Variants in SNTB1 observed in about 807,000 individuals in gnomAD.
SNTB1 encodes beta-1-syntrophin.
In SNTB1, 36 loss-of-function variants were observed where a neutral mutation model predicts 48.9. The ratio of observed to expected loss-of-function variants is 0.74; its 90% CI spans 0.56 to 0.97. The LOEUF (loss-of-function observed/expected upper bound fraction) is 0.97. SNTB1 is among the 50% of genes least tolerant of loss of function. SNTB1 has a pLI of 0.00. For synonymous variants in SNTB1, 299 were observed against 294.6 expected (o/e 1.01, Z -0.15); for missense variants, 786 against 703.4 (o/e 1.12, Z -1.33).
intron 1 of SNTB1, among the ~76,000 whole-genome samples, chr8:120,741,179 T>C (rs1311388541): frequency 6.6e-6 from 1 of 152,240 alleles, no homozygotes; most frequent in Non-Finnish European, 1.5e-5. Flanking sequence ...CACATGATCA[T>C]ATTAGAGATT....
chr8:120,606,610 C>T (rs556227300), intron 3 of SNTB1, among the ~76,000 whole-genome samples: 1 of 152,046 alleles, frequency 6.6e-6, no homozygotes, highest in Admixed American at 6.5e-5. Flanking sequence ...CCCGCAGGTA[C>T]AATTGAAGGT....
At chr8:120,780,405 G>T (rs1819814402) in intron 1 of SNTB1, among the ~76,000 whole-genome samples, 1 of 152,120 alleles carries the variant, frequency 6.6e-6, no homozygotes, top group Admixed American at 6.5e-5. Flanking sequence ...ACGTAATCAG[G>T]ACTTAGAAAT....
intron 5 of SNTB1, among the ~76,000 whole-genome samples, chr8:120,546,555 A>G (rs774563936): frequency 3.9e-5 from 6 of 152,112 alleles, no homozygotes; most frequent in Non-Finnish European, 7.4e-5. Context: ...GGCTCACTGC[A>G]ACCTCTGCCT....
At chr8:120,629,568 A>G (rs544806759) in intron 3 of SNTB1, among the ~76,000 whole-genome samples, 1 of 152,342 alleles carries the variant, frequency 6.6e-6, no homozygotes, top group African/African-American at 2.4e-5. Flanking sequence ...ACTATAAGAA[A>G]GGCATCGTAT....
intron 1 of SNTB1, among the ~76,000 whole-genome samples, chr8:120,740,064 T>C (rs927890194): frequency 6.6e-6 from 1 of 152,192 alleles, no homozygotes; most frequent in African/African-American, 2.4e-5. Context: ...ACTTGCTTCT[T>C]TTCCATGATC....
intron 1 of SNTB1, among the ~76,000 whole-genome samples, chr8:120,786,530 G>A (rs1372621993): frequency 1.3e-5 from 2 of 152,118 alleles, no homozygotes; most frequent in Admixed American, 1.3e-4. Context: ...CAGCCTTTCT[G>A]GAACACTTCA....
intron 1 of SNTB1, among the ~76,000 whole-genome samples, chr8:120,801,726 TG>T (rs1370636661): frequency 6.6e-6 from 1 of 152,176 alleles, no homozygotes; most frequent in Non-Finnish European, 1.5e-5. Flanking sequence ...GAGACTTGGA[TG>T]GACATAGAGT....
intron 1 of SNTB1, among the ~76,000 whole-genome samples, chr8:120,742,130 C>T (rs186955748): frequency 1.3e-3 from 201 of 152,274 alleles, no homozygotes; most frequent in African/African-American, 4.6e-3. Flanking sequence ...CCTCTGAAAA[C>T]AGGAGAACAG....
chr8:120,682,447 A>T (rs1305455961), intron 2 of SNTB1, among the ~76,000 whole-genome samples: 1 of 152,332 alleles, frequency 6.6e-6, no homozygotes, highest in East Asian at 1.9e-4. Context: ...ACAACCATTT[A>T]GTACTTGTTT....
At chr8:120,741,781 C>T (rs1340162566) in intron 1 of SNTB1, among the ~76,000 whole-genome samples, 1 of 151,858 alleles carries the variant, frequency 6.6e-6, no homozygotes, top group African/African-American at 2.4e-5. Context: ...TTTTGTAGGA[C>T]CTACATGCTA....
chr8:120,645,269 T>C (rs1420384677), intron 2 of SNTB1, among the ~76,000 whole-genome samples: 1 of 151,860 alleles, frequency 6.6e-6, no homozygotes, highest in Non-Finnish European at 1.5e-5. Context: ...AATGCCTAGG[T>C]TTTCTTCTAG....
At chr8:120,618,312 C>T (rs1816746889) in intron 3 of SNTB1, among the ~76,000 whole-genome samples, 1 of 152,204 alleles carries the variant, frequency 6.6e-6, no homozygotes, top group Admixed American at 6.5e-5. Context: ...CAGCTTACTG[C>T]CTCACCTATT....
chr8:120,701,463 T>TA (rs1342613532), intron 1 of SNTB1, among the ~76,000 whole-genome samples: 2 of 152,094 alleles, frequency 1.3e-5, no homozygotes, highest in African/African-American at 4.8e-5. Flanking sequence ...CTGACAACAT[T>TA]AAAAAAAGAA....
chr8:120,714,920 A>G (rs1818530258), intron 1 of SNTB1, among the ~76,000 whole-genome samples: 1 of 152,214 alleles, frequency 6.6e-6, no homozygotes, highest in African/African-American at 2.4e-5. Context: ...CATTTGCTGA[A>G]TGCTGAAAGG....
chr8:120,565,169 T>C (rs934717273), intron 4 of SNTB1, among the ~76,000 whole-genome samples: 2 of 152,204 alleles, frequency 1.3e-5, no homozygotes, highest in Admixed American at 1.3e-4. Flanking sequence ...GAATTTTAGT[T>C]GGTTACAAAT....
intron 3 of SNTB1, among the ~76,000 whole-genome samples, chr8:120,603,319 C>T (rs1450558029): frequency 2.6e-5 from 4 of 152,118 alleles, no homozygotes; most frequent in Admixed American, 1.3e-4. Context: ...AGGCTGGTCT[C>T]GAACTCCTGG....
At chr8:120,697,754 A>G (rs370884699) in intron 1 of SNTB1, among the ~76,000 whole-genome samples, 16 of 152,232 alleles carry the variant, frequency 1.1e-4, no homozygotes, top group African/African-American at 3.4e-4. Context: ...GCATACTACA[A>G]AGCTATAGTA....
chr8:120,699,416 T>A (rs572544416), intron 1 of SNTB1, among the ~76,000 whole-genome samples: 1 of 152,296 alleles, frequency 6.6e-6, no homozygotes, highest in South Asian at 2.1e-4. Flanking sequence ...TCTCACCCAG[T>A]TGGTTCACTT....
intron 3 of SNTB1, among the ~76,000 whole-genome samples, chr8:120,582,238 GA>G (rs1206018764): frequency 6.6e-6 from 1 of 152,072 alleles, no homozygotes; most frequent in East Asian, 1.9e-4. Context: ...GAGATCTATG[GA>G]AAATAAAAAC....
Sources: gnomAD v4.1 joint callset for allele counts (sites outside exome capture counted in the v4.1 genomes callset) on GRCh38, gnomAD v4.1.1 for gene constraint, MANE v1.5 for transcripts, NCBI Gene and HGNC (gene_info 2026-07-23, HGNC 2026-07-21) for gene names.